Variants in PPP4R4 observed in about 807,000 individuals in gnomAD.
PPP4R4 encodes the protein serine/threonine-protein phosphatase 4 regulatory subunit 4.
In PPP4R4, 70 loss-of-function variants were observed where a neutral mutation model predicts 121.8. The observed-to-expected ratio is 0.57, with a 90% CI of 0.47 to 0.70. PPP4R4 has a LOEUF of 0.70. Ranked by LOEUF, PPP4R4 falls within the 30% of genes least tolerant of loss-of-function variation. The probability of loss-of-function intolerance (pLI) is 0.00; values close to 1 mark genes in which losing one functional copy is unlikely to be tolerated. For synonymous variants in PPP4R4, 348 were observed against 355.7 expected (o/e 0.98, Z 0.24); for missense variants, 875 against 1,033.6 (o/e 0.85, Z 2.10).
intron 8 of PPP4R4, among the ~76,000 whole-genome samples, chr14:94,239,953 G>A (rs1044382095): frequency 3.9e-5 from 6 of 152,156 alleles, no homozygotes; most frequent in African/African-American, 1.2e-4. Flanking sequence ...ATATGGCACC[G>A]AAATGTAATG....
chr14:94,214,249 C>T (rs10142142), intron 3 of PPP4R4, among the ~76,000 whole-genome samples: 17,829 of 152,128 alleles, frequency 0.12, 1,262 homozygotes, highest in African/African-American at 0.19. Context: ...AAATTTGACA[C>T]GTACATGTAG....
chr14:94,275,002 T>C lies in PPP4R4; in HGVS notation c.2450-372T>C, dbSNP rs1266263193. Among the ~76,000 whole-genome samples, 3 of 152,274 alleles carry C rather than the reference T, an allele frequency of 2.0e-5. No individual in the cohort carries two copies. In the East Asian group the frequency reaches 5.8e-4, roughly 29 times the overall value. On this transcript the variant is annotated intron_variant, in intron 23 of 24. Coordinates refer to ENST00000304338, the MANE Select transcript of PPP4R4 (RefSeq NM_058237.2). ...CATAAAACATGAATGATTTTCAAAA[T>C]TATGCTGAATGAAAGAAGCCAGACA...
At chr14:94,263,161 C>T (rs2139636815) in intron 19 of PPP4R4, among the ~76,000 whole-genome samples, 1 of 152,016 alleles carries the variant, frequency 6.6e-6, no homozygotes, top group South Asian at 2.1e-4. Context: ...TATATCATTC[C>T]CCAAATTTGG....
intron 8 of PPP4R4, among the ~76,000 whole-genome samples, chr14:94,238,325 TAC>T (rs753990608): frequency 1.3e-5 from 2 of 152,258 alleles, no homozygotes; most frequent in Non-Finnish European, 2.9e-5. Context: ...CCCTATGGCA[TAC>T]AGTGTTGCTA....
intron 23 of PPP4R4, among the ~76,000 whole-genome samples, chr14:94,272,438 G>A (rs1287576021): frequency 6.6e-6 from 1 of 152,140 alleles, no homozygotes; most frequent in Non-Finnish European, 1.5e-5. Context: ...AATGCAGCTG[G>A]AACAATAGGA....
chr14:94,257,419 A>T (rs2139618113), intron 17 of PPP4R4, among the ~76,000 whole-genome samples: 1 of 152,184 alleles, frequency 6.6e-6, no homozygotes, highest in Non-Finnish European at 1.5e-5. Context: ...TTTCCTTATT[A>T]GTGTCATAAA....
chr14:94,273,561 A>G (rs1018463500), intron 23 of PPP4R4, among the ~76,000 whole-genome samples: 17 of 152,150 alleles, frequency 1.1e-4, no homozygotes, highest in African/African-American at 3.9e-4. Flanking sequence ...TATTGTCCAA[A>G]TCCGTAGCAT....
intron 3 of PPP4R4, among the ~76,000 whole-genome samples, chr14:94,218,244 G>A (rs987443847): frequency 2.0e-5 from 3 of 152,030 alleles, no homozygotes; most frequent in Non-Finnish European, 4.4e-5. Flanking sequence ...GAAATGGGAA[G>A]GAAGAATTAT....
rs144318032 is a variant in PPP4R4 at position 94,263,414 on chromosome 14, TA to T, written c.2128-1462del. 5.5e-3 allele frequency among the ~76,000 whole-genome samples: 845 copies of T among 152,330 alleles called. 12 individuals are homozygous for T. Among genetic ancestry groups the T allele is most frequent in the African/African-American group, 0.019 (805 of 41,578 alleles). ...CATTCAGCTGCTGAGCCTATCCAAT[TA>T]ATTTTTTTATTTCCAATATTATATT... is the stretch of plus-strand genomic sequence containing the variant. On this transcript the variant is annotated intron_variant, in intron 19 of 24. Transcript: ENST00000304338.
At chr14:94,253,073 G>A (rs1893275464) in intron 16 of PPP4R4, among the ~76,000 whole-genome samples, 1 of 152,192 alleles carries the variant, frequency 6.6e-6, no homozygotes, top group Admixed American at 6.5e-5. Context: ...AATACAGAAA[G>A]CACAACTGCA....
At chr14:94,230,500 A>C (rs1891956239) in intron 3 of PPP4R4, 87 bp from the exon 4 acceptor site, 2 of 1,253,476 alleles carry the variant, frequency 1.6e-6, no homozygotes, top group Non-Finnish European at 2.2e-6. Context: ...GAATATGACT[A>C]TTTAGTTTCT....
At chr14:94,194,798 T>C (rs1889782131) in intron 2 of PPP4R4, among the ~76,000 whole-genome samples, 1 of 152,116 alleles carries the variant, frequency 6.6e-6, no homozygotes, top group Non-Finnish European at 1.5e-5. Context: ...TGATTATGAC[T>C]AAAGTCAGCA....
chr14:94,219,185 T>C (rs537593396), intron 3 of PPP4R4, among the ~76,000 whole-genome samples: 3 of 150,410 alleles, frequency 2.0e-5, no homozygotes, highest in East Asian at 2.0e-4. Context: ...GTTCAAGCGA[T>C]TCTCCTGCCT....
At chr14:94,208,841 C>A (rs756356276) in intron 3 of PPP4R4, among the ~76,000 whole-genome samples, 26 of 149,492 alleles carry the variant, frequency 1.7e-4, no homozygotes, top group Non-Finnish European at 3.4e-4. Context: ...CTCAAAAACA[C>A]CTCTTAATTA....
chr14:94,196,792 T>C (rs1889899621), intron 2 of PPP4R4, among the ~76,000 whole-genome samples: 1 of 152,142 alleles, frequency 6.6e-6, no homozygotes, highest in Non-Finnish European at 1.5e-5. Flanking sequence ...GATTCATGTG[T>C]TTTTTCATAT....
chr14:94,278,973 G>A lies in PPP4R4; in HGVS notation c.*330G>A. On this transcript the variant is annotated 3_prime_UTR_variant, in exon 25 of 25. Coordinates refer to ENST00000304338, the MANE Select transcript of PPP4R4 (RefSeq NM_058237.2). ...GACAAGTCTGCATTTATTTGTGCAGGAAACCAGCCATTTAATTGTTCTAGA... is the reference window on the plus strand; with the variant it reads ...GACAAGTCTGCATTTATTTGTGCAGAAAACCAGCCATTTAATTGTTCTAGA... 5.8e-6 allele frequency: 1 copy of A among 173,374 alleles called. No homozygotes were observed. Among genetic ancestry groups the A allele is most frequent in the Non-Finnish European group, 1.2e-5 (1 of 82,122 alleles). The allele number at this position is 173,374 out of a possible 1,614,324, so 10.7% of individuals were successfully genotyped here.
At chr14:94,195,323 G>A (rs549808250) in intron 2 of PPP4R4, among the ~76,000 whole-genome samples, 4 of 152,244 alleles carry the variant, frequency 2.6e-5, no homozygotes, top group African/African-American at 4.8e-5. Context: ...TCTGGGGGTG[G>A]GACCCAGTTT....
intron 2 of PPP4R4, among the ~76,000 whole-genome samples, chr14:94,192,752 T>A (rs1889667433): frequency 6.6e-6 from 1 of 152,198 alleles, no homozygotes; most frequent in East Asian, 1.9e-4. Flanking sequence ...TTGGATAGCA[T>A]CTGCTCATCT....
At chr14:94,189,623 C>T (rs1224827512) in intron 2 of PPP4R4, among the ~76,000 whole-genome samples, 1 of 152,170 alleles carries the variant, frequency 6.6e-6, no homozygotes, top group Non-Finnish European at 1.5e-5. Context: ...TCCTTCTCAA[C>T]TTTGGATCAT....
Sources: gnomAD v4.1 joint callset for allele counts (sites outside exome capture counted in the v4.1 genomes callset) on GRCh38, gnomAD v4.1.1 for gene constraint, MANE v1.5 for transcripts, NCBI Gene and HGNC (gene_info 2026-07-23, HGNC 2026-07-21) for gene names.